The following ZNF532 variants were observed in gnomAD, a reference collection of about 807,000 sequenced individuals.
ZNF532 encodes zinc finger protein 532.
A neutral mutation model predicts 89.3 loss-of-function variants in ZNF532; 22 were observed. That is an observed-to-expected ratio of 0.25 (90% confidence interval 0.18 to 0.35). The LOEUF is 0.35. Ranked by LOEUF, ZNF532 falls within the 10% of genes least tolerant of loss-of-function variation. The pLI is 1.00. For synonymous variants in ZNF532, 606 were observed against 649.6 expected, an observed-to-expected ratio of 0.93 and a Z score of 1.02; for missense variants, 1,132 against 1,643.4, an observed-to-expected ratio of 0.69 and a Z score of 5.38.
At chr18:58,940,805 A>G (rs1282853305) in intron 5 of ZNF532, among the ~76,000 whole-genome samples, 1 of 152,118 alleles carries the variant, frequency 6.6e-6, no homozygotes, top group Non-Finnish European at 1.5e-5. Flanking sequence ...TTATCGCAAC[A>G]TAGAGTTTGA....
At chr18:58,942,294 T>C (rs531860375) in intron 5 of ZNF532, among the ~76,000 whole-genome samples, 3 of 139,990 alleles carry the variant, frequency 2.1e-5, no homozygotes, top group South Asian at 5.0e-4. Flanking sequence ...AGTGCTGGGA[T>C]TACAGGCGTG....
rs778008243 is a variant in ZNF532 at position 58,984,410 on chromosome 18, C to T, written c.3850C>T (p.Arg1284Trp). 2.5e-6 allele frequency: 4 copies of T among 1,611,932 alleles called. No individual in the cohort carries two copies. The highest frequency in any genetic ancestry group is 3.4e-6 in the Non-Finnish European group (4 of 1,179,804). The change falls in exon 10 of 10, where the codon CGG becomes TGG. Residue 1284 changes from arginine (R) to tryptophan (W), a missense_variant. Arg to Trp is a moderately radical substitution (Grantham distance 101). Coordinates refer to ENST00000591808, the MANE Select transcript of ZNF532 (RefSeq NM_001375912.1). ...ETEAALNTHM[R>W]THGMAFIKSK... ...TGAAGCTGCCTTAAATACTCACATG[C>T]GGACACACGGCATGGCCTTCATCAA...
chr18:58,888,891 T>TATATATATA (rs1272147896), intron 2 of ZNF532, among the ~76,000 whole-genome samples: 5 of 37,268 alleles, frequency 1.3e-4, no homozygotes, highest in Admixed American at 5.0e-4. Context: ...TATATATATT[T>TATATATATA]TATATATATA....
chr18:58,948,203 A>G lies in ZNF532; in HGVS notation c.2842A>G (p.Lys948Glu). 6.2e-7 allele frequency: 1 copy of G among 1,613,182 alleles called. No homozygotes were observed. Among genetic ancestry groups the G allele is most frequent in the East Asian group, 2.2e-5 (1 of 44,880 alleles). ...CPDCSLLYAQ[K>E]QLMMDHIKSM... is the part of the protein sequence containing the mutation. Reference sequence around the variant, plus strand: ...AGACTGTTCTCTTTTATATGCACAGAAGCAACTTATGATGGACCATATCAA... The same window carrying G: ...AGACTGTTCTCTTTTATATGCACAGGAGCAACTTATGATGGACCATATCAA... The change falls in exon 6 of 10, where the codon AAG becomes GAG. Residue 948 changes from lysine (K) to glutamate (E), a missense_variant. Lys to Glu is a moderately conservative substitution (Grantham distance 56). Around this residue, in one of 9 missense-constraint regions of ZNF532, gnomAD observed 415 missense variants for 604.8 expected, o/e 0.69. Transcript: ENST00000591808.
chr18:58,868,103 C>T (rs1387818463), intron 2 of ZNF532, among the ~76,000 whole-genome samples: 2 of 152,210 alleles, frequency 1.3e-5, no homozygotes, highest in Admixed American at 6.5e-5. Context: ...TGGCTTTGAA[C>T]AACCTTTACC....
At chr18:58,914,512 T>A (rs1317065803) in intron 2 of ZNF532, among the ~76,000 whole-genome samples, 1 of 152,188 alleles carries the variant, frequency 6.6e-6, no homozygotes, top group Non-Finnish European at 1.5e-5. Flanking sequence ...AAACCCCGTC[T>A]CTACTAAAAA....
chr18:58,982,746 C>A (rs1050607406), intron 9 of ZNF532, among the ~76,000 whole-genome samples: 1 of 152,124 alleles, frequency 6.6e-6, no homozygotes, highest in African/African-American at 2.4e-5. Context: ...TCGAGTAAAA[C>A]CTCCTCAGAA....
Position 58,920,249 on chromosome 18 carries a change from T to G in ZNF532, c.1962T>G (p.Val654=). Reference sequence around the variant, plus strand: ...GCAACCATTGTACAAAGAACCTCGTTTTTTACAACAAATGCAGCCTCCTTT... The same window carrying G: ...GCAACCATTGTACAAAGAACCTCGTGTTTTACAACAAATGCAGCCTCCTTT... ...VTCNHCTKNL[V]FYNKCSLLSH... The change falls in exon 3 of 10, where the codon GTT becomes GTG. Residue 654 remains valine, a synonymous_variant. Coordinates refer to ENST00000591808, the MANE Select transcript of ZNF532 (RefSeq NM_001375912.1). The G allele has an allele frequency of 6.2e-7, 1 of 1,613,952 alleles. No individual in the cohort carries two copies. The highest frequency in any genetic ancestry group is 1.1e-5 in the South Asian group (1 of 91,066).
chr18:58,880,674 ATGAC>A (rs533269081), intron 2 of ZNF532, among the ~76,000 whole-genome samples: 166 of 151,960 alleles, frequency 1.1e-3, no homozygotes, highest in Non-Finnish European at 2.2e-4. Context: ...ATTTGGCCAA[ATGAC>A]TGGTGGAATT....
chr18:58,868,841 A>G (rs993162068), intron 2 of ZNF532, among the ~76,000 whole-genome samples: 15 of 152,232 alleles, frequency 9.9e-5, no homozygotes, highest in African/African-American at 1.4e-4. Context: ...TGAGAAATGT[A>G]TCATTAGACA....
chr18:58,915,184 G>C (rs532515032), intron 2 of ZNF532, among the ~76,000 whole-genome samples: 40 of 152,190 alleles, frequency 2.6e-4, no homozygotes, highest in Admixed American at 6.5e-5. Context: ...ACCCCAGAGA[G>C]GGGAGTCCAG....
intron 5 of ZNF532, chr18:58,940,367 A>G (rs2062882501): frequency 1.3e-5 from 2 of 152,196 alleles, no homozygotes; most frequent in Admixed American, 1.3e-4. Flanking sequence ...AGCCAGTATA[A>G]GTCCCTGATT....
At chr18:58,889,382 A>AAC (rs1379162297) in intron 2 of ZNF532, among the ~76,000 whole-genome samples, 3 of 152,212 alleles carry the variant, frequency 2.0e-5, no homozygotes, top group Non-Finnish European at 4.4e-5. Context: ...TGAGCCATAT[A>AAC]ACACATATCC....
Position 58,906,479 on chromosome 18 carries a change from A to G in ZNF532, c.-17-11792A>G, listed in dbSNP as rs557938515. Reference sequence around the variant, plus strand: ...CAGCTCTTTCTTACCTTCTGACACTATAAGATTCATTGGTAGGTGCATTTC... The same window carrying G: ...CAGCTCTTTCTTACCTTCTGACACTGTAAGATTCATTGGTAGGTGCATTTC... On this transcript the variant is annotated intron_variant, in intron 2 of 9. Transcript: ENST00000591808. Among the ~76,000 whole-genome samples the G allele has an allele frequency of 2.0e-5, 3 of 152,006 alleles. 1 individual carries two copies. Among genetic ancestry groups the G allele is most frequent in the East Asian group, 1.9e-4 (1 of 5,170 alleles).
rs2062216640 is a variant in ZNF532 at position 58,934,614 on chromosome 18, G to A, written c.2528G>A (p.Arg843Gln). 2 of 1,612,802 alleles carry A rather than the reference G, an allele frequency of 1.2e-6. No homozygotes were observed. Among genetic ancestry groups the A allele is most frequent in the Non-Finnish European group, 1.7e-6 (2 of 1,179,434 alleles). ...CACTACACGAGGAGAGTTGGTTTTC[G>A]GTCAGTATATCATTCACTTATGTGC... is the stretch of plus-strand genomic sequence containing the variant. Reference protein sequence around the residue: ...CLHYTRRVGFRCVHCNVVYSD... With the variant: ...CLHYTRRVGFQCVHCNVVYSD... Residue 843 changes from arginine (R) to glutamine (Q), a missense_variant and splice_region_variant, in exon 4 of 10, where the codon CGA becomes CAA. Physicochemically the swap from Arg to Gln is conservative, Grantham distance 43. Around this residue, in one of 9 missense-constraint regions of ZNF532, gnomAD observed 415 missense variants for 604.8 expected, o/e 0.69. Transcript: ENST00000591808.
intron 4 of ZNF532, among the ~76,000 whole-genome samples, chr18:58,937,490 A>G (rs560599481): frequency 4.6e-5 from 7 of 152,326 alleles, no homozygotes; most frequent in African/African-American, 1.7e-4. Flanking sequence ...TATTTTAGAT[A>G]CTTCCTTTTT....
At chr18:58,921,269 C>T (rs940732328) in intron 3 of ZNF532, among the ~76,000 whole-genome samples, 1 of 152,046 alleles carries the variant, frequency 6.6e-6, no homozygotes, top group African/African-American at 2.4e-5. Flanking sequence ...TAGTGTCATC[C>T]CATTGTATTA....
chr18:58,888,718 T>A lies in ZNF532; in HGVS notation c.-18+23139T>A, dbSNP rs1243569700. 1.1e-3 allele frequency among the ~76,000 whole-genome samples: 54 copies of A among 47,728 alleles called. 8 individuals carry two copies. Among genetic ancestry groups the A allele is most frequent in the South Asian group, 5.0e-3 (7 of 1,414 alleles). 31.3% of individuals were successfully genotyped at this position (47,728 alleles called of 152,430 possible). ...AAAATTATATATATATATATATATA[T>A]ATATATAAATTATATATATATATTT... is the stretch of plus-strand genomic sequence containing the variant. On this transcript the variant is annotated intron_variant, in intron 2 of 9. Coordinates refer to ENST00000591808, the MANE Select transcript of ZNF532 (RefSeq NM_001375912.1).
intron 7 of ZNF532, chr18:58,954,349 C>T (rs994780921): frequency 1.3e-6 from 1 of 757,660 alleles, no homozygotes; most frequent in Non-Finnish European, 1.6e-6. Flanking sequence ...GTATATGTCT[C>T]CAACTGATAA....
Sources: gnomAD v4.1 joint callset for allele counts (sites outside exome capture counted in the v4.1 genomes callset) on GRCh38, gnomAD v4.1.1 for gene constraint, gnomAD v4.1.1 regional missense constraint, MANE v1.5 for transcripts, NCBI Gene and HGNC (gene_info 2026-07-23, HGNC 2026-07-21) for gene names.